Variants in RYR2 observed in about 807,000 individuals in gnomAD.
RYR2 encodes the protein ryanodine receptor 2.
RYR2 carries 227 observed loss-of-function variants against 601.1 expected under a neutral mutation model. The ratio of observed to expected loss-of-function variants is 0.38; its 90% CI spans 0.34 to 0.42. The LOEUF (loss-of-function observed/expected upper bound fraction) is 0.42. Ranked by LOEUF, RYR2 falls within the 10% of genes least tolerant of loss-of-function variation. The pLI is 1.00. For synonymous variants in RYR2, 2,223 were observed against 2,175.1 expected, an observed-to-expected ratio of 1.02 and a Z score of -0.61; for missense variants, 4,646 against 6,156.5, an observed-to-expected ratio of 0.75 and a Z score of 8.21.
chr1:237,100,064 G>A (rs1667916501), intron 1 of RYR2, among the ~76,000 whole-genome samples: 1 of 152,146 alleles, frequency 6.6e-6, no homozygotes, highest in Non-Finnish European at 1.5e-5. Flanking sequence ...GCCTGCCCTT[G>A]TTAACTTAGG....
At chr1:237,446,403 G>T (rs1298887665) in intron 14 of RYR2, among the ~76,000 whole-genome samples, 1 of 151,910 alleles carries the variant, frequency 6.6e-6, no homozygotes, top group African/African-American at 2.4e-5. Context: ...CCTATTATTT[G>T]TTAATATTTC....
chr1:237,441,974 G>C (rs892921311), intron 13 of RYR2, among the ~76,000 whole-genome samples: 1 of 152,218 alleles, frequency 6.6e-6, no homozygotes, highest in Non-Finnish European at 1.5e-5. Context: ...TTGGAACCAA[G>C]TCTTTGATTT....
intron 17 of RYR2, among the ~76,000 whole-genome samples, chr1:237,480,378 CAAA>C (rs61271895): frequency 1.6e-3 from 91 of 57,682 alleles, no homozygotes; most frequent in African/African-American, 4.3e-3. Context: ...AAGATCATCT[CAAA>C]AAAAAAAAAA....
intron 80 of RYR2, chr1:237,743,458 A>G (rs991186335): frequency 3.8e-6 from 1 of 264,942 alleles, no homozygotes; most frequent in East Asian, 9.3e-5. Flanking sequence ...CTTTATTGAT[A>G]AGAAAGTGAG....
intron 1 of RYR2, among the ~76,000 whole-genome samples, chr1:237,145,118 T>C (rs1673856244): frequency 6.6e-6 from 1 of 151,912 alleles, no homozygotes; most frequent in Non-Finnish European, 1.5e-5. Context: ...ATACCTAATG[T>C]AGATGACGGG....
intron 10 of RYR2, among the ~76,000 whole-genome samples, chr1:237,402,628 T>A (rs1703454270): frequency 6.6e-6 from 1 of 152,084 alleles, no homozygotes; most frequent in Non-Finnish European, 1.5e-5. Context: ...ACACTGACAG[T>A]CAAAAGATTG....
chr1:237,649,839 A>G, intron 49 of RYR2, 38 bp from the exon 50 acceptor site: 2 of 1,588,644 alleles, frequency 1.3e-6, no homozygotes, highest in Non-Finnish European at 1.7e-6. Flanking sequence ...ATCTACTGCC[A>G]AACACAAATG....
chr1:237,725,865 TA>T (rs763213542), intron 74 of RYR2, among the ~76,000 whole-genome samples: 5 of 152,104 alleles, frequency 3.3e-5, no homozygotes, highest in African/African-American at 7.2e-5. Context: ...ATGCTGATCA[TA>T]ATGCTGTAAT....
At chr1:237,182,029 C>T (rs1412168091) in intron 1 of RYR2, among the ~76,000 whole-genome samples, 4 of 152,088 alleles carry the variant, frequency 2.6e-5, no homozygotes, top group Non-Finnish European at 5.9e-5. Flanking sequence ...TCCTTTTAAA[C>T]TATAAGACAT....
At chr1:237,549,576 A>T (rs534795839) in intron 26 of RYR2, among the ~76,000 whole-genome samples, 25 of 150,958 alleles carry the variant, frequency 1.7e-4, no homozygotes, top group African/African-American at 5.6e-4. Flanking sequence ...CAGTATTTAC[A>T]GTATTTATTC....
chr1:237,235,543 C>G lies in RYR2; in HGVS notation c.49-34954C>G, dbSNP rs149537162. Among the ~76,000 whole-genome samples the G allele has an allele frequency of 3.3e-5, 5 of 152,306 alleles. No homozygotes were observed. The East Asian group carries it at 9.6e-4, about 29-fold the overall frequency. On this transcript the variant is annotated intron_variant, in intron 1 of 104. Transcript: ENST00000366574. ...TTTGTGGCACAGTTCCTTCTGTCGTCACTGGCAAGCACAGTTGGAGTTGGT... is the reference window on the plus strand; with the variant it reads ...TTTGTGGCACAGTTCCTTCTGTCGTGACTGGCAAGCACAGTTGGAGTTGGT...
At chr1:237,516,566 C>A (rs909254266) in intron 24 of RYR2, among the ~76,000 whole-genome samples, 1 of 152,216 alleles carries the variant, frequency 6.6e-6, no homozygotes, top group African/African-American at 2.4e-5. Flanking sequence ...AAATATCCAT[C>A]TCTACCCCAG....
chr1:237,395,097 C>T (rs11799387), intron 10 of RYR2, among the ~76,000 whole-genome samples: 75,092 of 151,982 alleles, frequency 0.49, 19,427 homozygotes, highest in African/African-American at 0.66. Flanking sequence ...CTGGGGATTA[C>T]GATTCAATGT....
chr1:237,610,737 CT>C lies in RYR2; in HGVS notation c.4684-20del. ...CCCCAAGGGATGTTCTACATTTATT[CT>C]TTTTCTGCCTCCCCATCCGCTAGAA... is the stretch of plus-strand genomic sequence containing the variant. On this transcript the variant is annotated intron_variant, in intron 35 of 104. Transcript: ENST00000366574. The surrounding 1 kb of genome is among the most constrained non-coding windows in gnomAD (Gnocchi z 4.9). 1 of 1,550,078 alleles carries C rather than the reference CT, an allele frequency of 6.5e-7. No homozygotes were observed. Among genetic ancestry groups the C allele is most frequent in the Non-Finnish European group, 8.8e-7 (1 of 1,141,808 alleles).
rs1255723897 is a variant in RYR2 at position 237,079,679 on chromosome 1, A to G, written c.48+37110A>G. On this transcript the variant is annotated intron_variant, in intron 1 of 104. Coordinates refer to ENST00000366574, the MANE Select transcript of RYR2 (RefSeq NM_001035.3). Reference sequence around the variant, plus strand: ...CCATGCTCATGGGTAGGAAGAATCAATATCGTGAAAATGGCCATACTGCCC... The same window carrying G: ...CCATGCTCATGGGTAGGAAGAATCAGTATCGTGAAAATGGCCATACTGCCC... Among the ~76,000 whole-genome samples the G allele has an allele frequency of 2.7e-4, 34 of 127,410 alleles. No homozygotes were observed. In the South Asian group the frequency reaches 4.0e-3, roughly 15 times the overall value. The allele number at this position is 127,410 out of a possible 152,430, so 83.6% of individuals were successfully genotyped here. A position where few individuals can be genotyped will look rare whatever the true frequency, so the allele number is the denominator to read the frequency against.
intron 1 of RYR2, among the ~76,000 whole-genome samples, chr1:237,213,783 C>T (rs887514699): frequency 5.3e-5 from 8 of 151,490 alleles, no homozygotes; most frequent in African/African-American, 1.9e-4. Context: ...CATATTTTTC[C>T]CACTGTTAGG....
At chr1:237,308,613 G>A (rs552708095) in intron 2 of RYR2, among the ~76,000 whole-genome samples, 26 of 152,246 alleles carry the variant, frequency 1.7e-4, no homozygotes, top group South Asian at 1.5e-3. Context: ...AGATGTGTTC[G>A]GAGTTTCTTC....
chr1:237,673,200 A>G (rs775409746), intron 58 of RYR2, among the ~76,000 whole-genome samples: 19 of 152,190 alleles, frequency 1.2e-4, no homozygotes, highest in Non-Finnish European at 2.4e-4. Flanking sequence ...CACACAATAT[A>G]TATTACCACA....
At chr1:237,377,456 C>T (rs778053284) in intron 8 of RYR2, 21 bp downstream of exon 8, 5 of 1,523,476 alleles carry the variant, frequency 3.3e-6, no homozygotes, top group Non-Finnish European at 3.6e-6. Context: ...AAAGTAGGAT[C>T]ATGTATCTGC....
Sources: allele counts gnomAD v4.1 joint callset (sites outside exome capture counted in the v4.1 genomes callset), GRCh38; gene constraint gnomAD v4.1.1; non-coding constraint Gnocchi (gnomAD v3.1); transcripts MANE v1.5; gene names NCBI Gene and HGNC (gene_info 2026-07-23, HGNC 2026-07-21).